The following CENPF variants were observed in gnomAD, a reference collection of about 807,000 sequenced individuals.
CENPF encodes the protein AH antigen.
In CENPF, 214 loss-of-function variants were observed where a neutral mutation model predicts 307.3. The ratio of observed to expected loss-of-function variants is 0.70; its 90% CI spans 0.62 to 0.78. CENPF has a LOEUF of 0.78. CENPF is among the 30% of genes least tolerant of loss of function. CENPF has a pLI of 0.00. For missense variants in CENPF, 3,401 were observed against 3,483.9 expected (o/e 0.98, Z 0.60); for synonymous variants, 1,259 against 1,270.6 (o/e 0.99, Z 0.19).
In CENPF at chr1:214,659,058, T is replaced by G; in HGVS notation, c.9141+30T>G. 6.2e-7 allele frequency: 1 copy of G among 1,610,714 alleles called. No homozygotes were observed. On this transcript the variant is annotated intron_variant, in intron 19 of 19. Transcript: ENST00000366955. The surrounding 1 kb of genome is among the most constrained non-coding windows in gnomAD (Gnocchi z 4.4). Reference sequence around the variant, plus strand: ...ACTACTGTCAACATCCGTCTACTGTTTGAGATCCAGAAAATTGCAGTAGTA... The same window carrying G: ...ACTACTGTCAACATCCGTCTACTGTGTGAGATCCAGAAAATTGCAGTAGTA...
intron 14 of CENPF, 52 bp from the exon 15 acceptor site, chr1:214,651,658 G>A: frequency 7.4e-7 from 1 of 1,353,296 alleles, no homozygotes; most frequent in East Asian, 2.3e-5. Flanking sequence ...AATATTTCCA[G>A]GTTCTTAATT....
chr1:214,613,977 A>G, intron 2 of CENPF, 61 bp downstream of exon 2: 1 of 1,399,222 alleles, frequency 7.1e-7, no homozygotes, highest in Non-Finnish European at 9.6e-7. Context: ...AAGTGCTGGT[A>G]TTTAAAACTG....
chr1:214,641,301 A>G lies in CENPF; in HGVS notation c.2963A>G (p.Gln988Arg). 6.2e-7 allele frequency: 1 copy of G among 1,608,744 alleles called. No homozygotes were observed. Among genetic ancestry groups the G allele is most frequent in the Non-Finnish European group, 8.5e-7 (1 of 1,178,770 alleles). ...TLKEINASLN[Q>R]EKMNLIQKSE... ...AAGGAAATTAATGCATCCTTAAATC[A>G]AGAGAAGATGAACTTAATCCAGAAA... Residue 988 changes from glutamine to arginine, a missense_variant, in exon 12 of 20, where the codon CAA (glutamine) becomes CGA (arginine). Physicochemically the swap from Gln to Arg is conservative, Grantham distance 43. Transcript: ENST00000366955.
intron 1 of CENPF, among the ~76,000 whole-genome samples, chr1:214,609,476 T>C (rs1040328821): frequency 1.3e-5 from 2 of 152,196 alleles, no homozygotes; most frequent in African/African-American, 4.8e-5. Flanking sequence ...TGAGTGGTAA[T>C]TAACCATGTG....
intron 12 of CENPF, 30 bp from the exon 13 acceptor site, chr1:214,644,527 A>T: frequency 2.0e-6 from 3 of 1,522,026 alleles, no homozygotes; most frequent in Non-Finnish European, 2.6e-6. Context: ...GAAAAATAAA[A>T]TGCATGCTTG....
intron 1 of CENPF, among the ~76,000 whole-genome samples, chr1:214,612,400 G>A (rs1657223846): frequency 1.3e-5 from 2 of 152,264 alleles, no homozygotes; most frequent in East Asian, 1.9e-4. Context: ...ATTTTGCATC[G>A]TTGATCAAGG....
At chr1:214,612,988 C>A in intron 1 of CENPF, 1 of 320,084 alleles carries the variant, frequency 3.1e-6, no homozygotes, top group Non-Finnish European at 5.9e-6. Context: ...CTTCAGGCAG[C>A]TGAAGGAGTG....
rs1417279660 is a variant in CENPF at position 214,646,587 on chromosome 1, G to A, written c.7017G>A (p.Glu2339=). ...CAGATTTACTTAAGGGTAGAGTGGA[G>A]AACCTTGAAAGAGAGCTAGAGATAG... ...HHADLLKGRV[E]NLERELEIAR... The change falls in exon 13 of 20, where the codon GAG becomes GAA. Residue 2339 remains glutamate (E), a synonymous_variant. Transcript: ENST00000366955. The A allele has an allele frequency of 6.2e-7, 1 of 1,614,126 alleles. No homozygotes were observed. Among genetic ancestry groups the A allele is most frequent in the African/African-American group, 1.3e-5 (1 of 75,042 alleles).
Position 214,648,589 on chromosome 1 carries a change from A to G in CENPF, c.7831-86A>G, listed in dbSNP as rs1456036396. The G allele has an allele frequency of 8.4e-6, 12 of 1,435,706 alleles. No individual in the cohort carries two copies. The Admixed American group carries it at 1.2e-4, about 14-fold the overall frequency. The allele number at this position is 1,435,706 out of a possible 1,614,324, so 88.9% of individuals were successfully genotyped here. ...ATTTTATGATTGAAGGCTAAAATAAATGGCATGAATATGTTGTATCAGAGT... is the reference window on the plus strand; with the variant it reads ...ATTTTATGATTGAAGGCTAAAATAAGTGGCATGAATATGTTGTATCAGAGT... On this transcript the variant is annotated intron_variant, in intron 13 of 19. Coordinates refer to ENST00000366955, the MANE Select transcript of CENPF (RefSeq NM_016343.4).
At chr1:214,614,171 T>C (rs1657274699) in intron 2 of CENPF, among the ~76,000 whole-genome samples, 1 of 147,192 alleles carries the variant, frequency 6.8e-6, no homozygotes, top group South Asian at 2.3e-4. Flanking sequence ...TCTGTCCTCA[T>C]TTCTGCTTAC....
At chr1:214,614,053 TC>T (rs2102530457) in intron 2 of CENPF, 137 bp downstream of exon 2, 1 of 837,132 alleles carries the variant, frequency 1.2e-6, no homozygotes, top group Non-Finnish European at 1.7e-6. Context: ...TTTGCTGTCT[TC>T]AGGTGGTAAT....
intron 9 of CENPF, among the ~76,000 whole-genome samples, chr1:214,631,625 G>C (rs1014875909): frequency 2.0e-5 from 3 of 152,192 alleles, no homozygotes; most frequent in African/African-American, 7.2e-5. Flanking sequence ...TCAGCCTCCC[G>C]AGTGGCTGGG....
intron 1 of CENPF, among the ~76,000 whole-genome samples, chr1:214,609,150 G>A (rs374573026): frequency 6.6e-6 from 1 of 151,800 alleles, no homozygotes; most frequent in Admixed American, 6.6e-5. Flanking sequence ...TGCGTCCGTC[G>A]GTCCCTCCGC....
intron 6 of CENPF, 110 bp from the exon 7 acceptor site, chr1:214,621,969 A>G: frequency 1.2e-6 from 1 of 850,424 alleles, no homozygotes; most frequent in Non-Finnish European, 1.8e-6. Flanking sequence ...ATTTAGTGTA[A>G]ATATTTGTTT....
Position 214,630,513 on chromosome 1 carries a change from C to T in CENPF, c.1195-21C>T, listed in dbSNP as rs770365531. 12 of 1,613,592 alleles carry T rather than the reference C, an allele frequency of 7.4e-6. No individual in the cohort carries two copies. In the Admixed American group the frequency reaches 1.7e-4, roughly 22 times the overall value. ...CTAGCGAACCATCATCAGGCTGATGCACCTGCCCTTTGTTTTTCAGGAGCT... is the reference window on the plus strand; with the variant it reads ...CTAGCGAACCATCATCAGGCTGATGTACCTGCCCTTTGTTTTTCAGGAGCT... On this transcript the variant is annotated intron_variant, in intron 8 of 19. Transcript: ENST00000366955.
At chr1:214,626,655 T>C (rs1394926640) in intron 7 of CENPF, among the ~76,000 whole-genome samples, 1 of 152,220 alleles carries the variant, frequency 6.6e-6, no homozygotes, top group Non-Finnish European at 1.5e-5. Flanking sequence ...TTTTGAGTTA[T>C]TTAATGAACT....
chr1:214,655,152 A>G (rs1428156941), intron 16 of CENPF, 89 bp from the exon 17 acceptor site: 1 of 773,332 alleles, frequency 1.3e-6, no homozygotes. Flanking sequence ...TAAATTTACA[A>G]TATATGAATC....
chr1:214,636,664 C>G (rs984549578), intron 10 of CENPF, among the ~76,000 whole-genome samples: 29 of 152,170 alleles, frequency 1.9e-4, no homozygotes, highest in Non-Finnish European at 4.4e-5. Context: ...TGAAGGCAGC[C>G]TTCCAACACA....
intron 1 of CENPF, among the ~76,000 whole-genome samples, chr1:214,607,825 G>C (rs548824863): frequency 3.2e-4 from 49 of 152,298 alleles, no homozygotes; most frequent in African/African-American, 1.1e-3. Context: ...ATGTGTGCTG[G>C]GGGTCTGCAC....
Sources: allele counts gnomAD v4.1 joint callset (sites outside exome capture counted in the v4.1 genomes callset), GRCh38; gene constraint gnomAD v4.1.1; non-coding constraint Gnocchi (gnomAD v3.1); transcripts MANE v1.5; gene names NCBI Gene and HGNC (gene_info 2026-07-23, HGNC 2026-07-21).